The following SCGB3A2 variants were observed in gnomAD, a reference collection of about 807,000 sequenced individuals.
SCGB3A2 encodes the protein secretoglobin family 3A member 2, also known as pneumo secretory protein 1.
Under a neutral mutation model 7.7 loss-of-function variants are expected in SCGB3A2, and 5 were observed. The observed-to-expected ratio is 0.65, with a 90% CI of 0.34 to 1.36. The LOEUF is 1.36. SCGB3A2 is among the 40% of genes most tolerant of loss of function. SCGB3A2 has a pLI of 0.04. For synonymous variants in SCGB3A2, 44 were observed against 42.7 expected, an observed-to-expected ratio of 1.03 and a Z score of -0.12; for missense variants, 109 against 103.6, an observed-to-expected ratio of 1.05 and a Z score of -0.23.
chr5:147,881,102 GAAAAT>G (rs919520136), intron 1 of SCGB3A2: 15 of 238,846 alleles, frequency 6.3e-5, no homozygotes, highest in African/African-American at 3.4e-4. Context: ...ATTCTAATGA[GAAAAT>G]AAAGACAATA....
At chr5:147,880,084 A>G (rs1171430666) in intron 1 of SCGB3A2, among the ~76,000 whole-genome samples, 1 of 152,206 alleles carries the variant, frequency 6.6e-6, no homozygotes, top group African/African-American at 2.4e-5. Flanking sequence ...ATGGGGAAAT[A>G]ATAGGTTTCC....
intron 1 of SCGB3A2, chr5:147,880,993 A>T (rs1163570546): frequency 1.9e-5 from 3 of 161,738 alleles, no homozygotes; most frequent in African/African-American, 7.2e-5. Context: ...GCCTTCAGAC[A>T]ATCACAATGA....
chr5:147,882,097 C>G lies in SCGB3A2; in HGVS notation c.*47C>G. ...TGGATGGGGATGGAAGATGATGCTC[C>G]TATCCTCCCTGCCTGAAACCTGTTC... On this transcript the variant is annotated 3_prime_UTR_variant, in exon 3 of 3. Coordinates refer to ENST00000296694, the MANE Select transcript of SCGB3A2 (RefSeq NM_054023.5). 1.3e-6 allele frequency: 2 copies of G among 1,592,194 alleles called. No individual in the cohort carries two copies. Among genetic ancestry groups the G allele is most frequent in the Non-Finnish European group, 1.7e-6 (2 of 1,160,370 alleles).
intron 1 of SCGB3A2, chr5:147,881,191 A>C: frequency 9.2e-6 from 4 of 432,510 alleles, no homozygotes; most frequent in Admixed American, 7.8e-5. Flanking sequence ...GACTATGGCC[A>C]TTGCAGGCTT....
intron 1 of SCGB3A2, among the ~76,000 whole-genome samples, chr5:147,879,200 G>C (rs1009022540): frequency 6.6e-6 from 1 of 152,090 alleles, no homozygotes; most frequent in African/African-American, 2.4e-5. Context: ...GTCACCATTC[G>C]TTTTTCTTAT....
intron 1 of SCGB3A2, among the ~76,000 whole-genome samples, chr5:147,879,279 T>C (rs1057008994): frequency 4.1e-4 from 63 of 152,372 alleles, no homozygotes; most frequent in African/African-American, 1.5e-3. Flanking sequence ...ATGGAGTCAT[T>C]CTTGCTATCA....
At position 147,881,879 on chromosome 5, in the gene SCGB3A2, G is replaced by A. The variant is rs531751664; in HGVS notation, c.259-148G>A. The A allele has an allele frequency of 2.8e-4, 241 of 874,836 alleles. No individual in the cohort carries two copies. The Middle Eastern group carries it at 5.3e-3, about 19-fold the overall frequency. 54.2% of individuals were successfully genotyped at this position (874,836 alleles called of 1,614,324 possible). On this transcript the variant is annotated intron_variant, in intron 2 of 2. Coordinates refer to ENST00000296694, the MANE Select transcript of SCGB3A2 (RefSeq NM_054023.5). ...TGTGACAATACCATTTACCACCTTC[G>A]TGATTTTGGATGAGACGTAATCACT...
chr5:147,882,074 G>A lies in SCGB3A2; in HGVS notation c.*24G>A, dbSNP rs755022557. 4.3e-6 allele frequency: 7 copies of A among 1,612,646 alleles called. No homozygotes were observed. In the South Asian group the frequency reaches 7.7e-5, roughly 18 times the overall value. On this transcript the variant is annotated 3_prime_UTR_variant, in exon 3 of 3. Coordinates refer to ENST00000296694, the MANE Select transcript of SCGB3A2 (RefSeq NM_054023.5). Reference sequence around the variant, plus strand: ...GACATCAAGATAAAGAGCGGAGGTGGATGGGGATGGAAGATGATGCTCCTA... The same window carrying A: ...GACATCAAGATAAAGAGCGGAGGTGAATGGGGATGGAAGATGATGCTCCTA...
Position 147,881,569 on chromosome 5 carries a change from T to C in SCGB3A2, c.179T>C (p.Val60Ala). ...CTTCTGAAAACTCTGGGCATTTCTG[T>C]TGAGCACCTTGTGGAGGGGCTAAGG... Reference protein sequence around the residue: ...KLLLKTLGISVEHLVEGLRKC... With the variant: ...KLLLKTLGISAEHLVEGLRKC... Residue 60 changes from valine (V) to alanine (A), a missense_variant, in exon 2 of 3, where the codon GTT (valine) becomes GCT (alanine). Coordinates refer to ENST00000296694, the MANE Select transcript of SCGB3A2 (RefSeq NM_054023.5). 6.2e-7 allele frequency: 1 copy of C among 1,614,006 alleles called. No individual in the cohort carries two copies. The highest frequency in any genetic ancestry group is 8.5e-7 in the Non-Finnish European group (1 of 1,179,906).
intron 2 of SCGB3A2, 95 bp downstream of exon 2, chr5:147,881,743 C>T: frequency 1.1e-6 from 1 of 948,110 alleles, no homozygotes; most frequent in Non-Finnish European, 1.6e-6. Flanking sequence ...TGTGCATTTC[C>T]ACTTTACTGA....
chr5:147,881,410 T>C, intron 1 of SCGB3A2, 36 bp from the exon 2 acceptor site: 14 of 1,531,598 alleles, frequency 9.1e-6, no homozygotes, highest in Non-Finnish European at 1.3e-5. Context: ...TGGGCCCAGA[T>C]GTGCCTGTCT....
chr5:147,878,958 G>T (rs1165260641), intron 1 of SCGB3A2, 100 bp downstream of exon 1: 4 of 786,710 alleles, frequency 5.1e-6, no homozygotes, highest in African/African-American at 1.8e-5. Flanking sequence ...GTGGAATATG[G>T]TGGTAGGAAT....
In SCGB3A2 at chr5:147,881,936, T is replaced by C. The variant is rs1372330174; in HGVS notation, c.259-91T>C. ...TTTTGTTTCCCCATCAGTAAAATAG[T>C]GGCCAAACAGGACACTGGAAGTGAA... On this transcript the variant is annotated intron_variant, in intron 2 of 2. Transcript: ENST00000296694. The C allele has an allele frequency of 4.3e-6, 6 of 1,393,868 alleles. No homozygotes were observed. The Admixed American group carries it at 8.5e-5, about 20-fold the overall frequency. The allele number at this position is 1,393,868 out of a possible 1,614,324, so 86.3% of individuals were successfully genotyped here.
In SCGB3A2 at chr5:147,881,568, G is replaced by T; in HGVS notation, c.178G>T (p.Val60Phe). ...KLLLKTLGIS[V>F]EHLVEGLRKC... The stretch of plus-strand genomic sequence containing the variant: ...TCTTCTGAAAACTCTGGGCATTTCT[G>T]TTGAGCACCTTGTGGAGGGGCTAAG... The change falls in exon 2 of 3, where the codon GTT (valine) becomes TTT (phenylalanine). Residue 60 changes from valine (V) to phenylalanine (F), a missense_variant. Val to Phe is a conservative substitution (Grantham distance 50, BLOSUM62 -1). Transcript: ENST00000296694. 6.2e-7 allele frequency: 1 copy of T among 1,613,990 alleles called. No homozygotes were observed. Among genetic ancestry groups the T allele is most frequent in the South Asian group, 1.1e-5 (1 of 91,080 alleles).
intron 2 of SCGB3A2, 28 bp from the exon 3 acceptor site, chr5:147,881,999 T>C: frequency 6.2e-7 from 1 of 1,612,856 alleles, no homozygotes; most frequent in Non-Finnish European, 8.5e-7. Context: ...TAAGCTGCTC[T>C]AAATTTTGTT....
In SCGB3A2 at chr5:147,878,765, T is replaced by C. The variant is rs762916628; in HGVS notation, c.-39T>C. On this transcript the variant is annotated 5_prime_UTR_variant, in exon 1 of 3. It removes the in-frame stop codon of an upstream open reading frame in the 5' UTR. Transcript: ENST00000296694. Reference sequence around the variant, plus strand: ...CTTGGTGGATTTTGCTAGATTTTTCTGATTTTTAAACTCCTGAAAAATATC... The same window carrying C: ...CTTGGTGGATTTTGCTAGATTTTTCCGATTTTTAAACTCCTGAAAAATATC... 6.4e-7 allele frequency: 1 copy of C among 1,567,792 alleles called. No homozygotes were observed. The highest frequency in any genetic ancestry group is 1.1e-5 in the South Asian group (1 of 90,036).
In SCGB3A2 at chr5:147,882,049, G is replaced by C. The variant is rs764156968; in HGVS notation, c.281G>C (p.Ter94SerextTer21). Residue 94 changes from the stop codon to serine (S), a stop_lost, in exon 3 of 3, where the codon TGA becomes TCA. Coordinates refer to ENST00000296694, the MANE Select transcript of SCGB3A2 (RefSeq NM_054023.5). ...KLLEALSHLV[*>S] ...CAGGAGGCGCTATCACACTTGGTGT[G>C]ACATCAAGATAAAGAGCGGAGGTGG... 1 of 1,613,844 alleles carries C rather than the reference G, an allele frequency of 6.2e-7. No homozygotes were observed. Among genetic ancestry groups the C allele is most frequent in the South Asian group, 1.1e-5 (1 of 91,060 alleles).
At chr5:147,880,824 T>C (rs1025238759) in intron 1 of SCGB3A2, 5 of 153,820 alleles carry the variant, frequency 3.3e-5, no homozygotes, top group Non-Finnish European at 5.8e-5. Context: ...ATAGAGTTGG[T>C]GCTCAATTAT....
intron 1 of SCGB3A2, chr5:147,880,817 G>C (rs180997219): frequency 6.5e-6 from 1 of 153,800 alleles, no homozygotes; most frequent in African/African-American, 2.4e-5. Flanking sequence ...AGACTAGATA[G>C]AGTTGGTGCT....
Sources: gnomAD v4.1 joint callset for allele counts (sites outside exome capture counted in the v4.1 genomes callset) on GRCh38, gnomAD v4.1.1 for gene constraint, MANE v1.5 for transcripts, NCBI Gene and HGNC (gene_info 2026-07-23, HGNC 2026-07-21) for gene names.